Variants in ACAD10 observed in about 807,000 individuals in gnomAD.
ACAD10 encodes ACAD-10.
In ACAD10, 112 loss-of-function variants were observed where a neutral mutation model predicts 116.8. That is an observed-to-expected ratio of 0.96 (90% CI 0.82 to 1.12). The LOEUF (loss-of-function observed/expected upper bound fraction) is 1.12. Among genes scored for constraint, ACAD10 ranks in the 50% most tolerant of loss-of-function variants. The pLI, the probability that ACAD10 is intolerant of heterozygous loss-of-function variation, is 0.00. For synonymous variants in ACAD10, 486 were observed against 510.6 expected (o/e 0.95, Z 0.65); for missense variants, 1,259 against 1,350.2 (o/e 0.93, Z 1.06).
At chr12:111,736,790 A>G in intron 11 of ACAD10, 41 bp from the exon 12 acceptor site, 1 of 1,580,728 alleles carries the variant, frequency 6.3e-7, no homozygotes, top group Non-Finnish European at 8.6e-7. Flanking sequence ...GGGGCGTGTC[A>G]CGTCAGTGAC....
rs560344796 is a variant in ACAD10 at position 111,718,036 on chromosome 12, C to CTTTTTTTTTTTTTTTTTTTTTTTTTT, written c.992+2080_992+2105dup. Among the ~76,000 whole-genome samples the CTTTTTTTTTTTTTTTTTTTTTTTTTT allele has an allele frequency of 6.3e-5, 4 of 63,676 alleles. 1 individual carries two copies. Among genetic ancestry groups the CTTTTTTTTTTTTTTTTTTTTTTTTTT allele is most frequent in the African/African-American group, 2.5e-4 (3 of 12,206 alleles). The allele number at this position is 63,676 out of a possible 152,430, so 41.8% of individuals were successfully genotyped here. Reference sequence around the variant, plus strand: ...TATACGTAGGATCTATAGTGATATCCTTTTTTTTTTTTTTTTTTTTTTTTT... The same window carrying CTTTTTTTTTTTTTTTTTTTTTTTTTT: ...TATACGTAGGATCTATAGTGATATCCTTTTTTTTTTTTTTTTTTTTTTTTTTTTTTTTTTTTTTTTTTTTTTTTTTT... On this transcript the variant is annotated intron_variant, in intron 7 of 20. Coordinates refer to ENST00000313698, the MANE Select transcript of ACAD10 (RefSeq NM_025247.6).
chr12:111,726,713 T>G (rs530974054), intron 8 of ACAD10, among the ~76,000 whole-genome samples: 26 of 151,802 alleles, frequency 1.7e-4, no homozygotes, highest in Non-Finnish European at 3.8e-4. Flanking sequence ...TACAAAAAAT[T>G]AGCTGGTTGT....
intron 2 of ACAD10, among the ~76,000 whole-genome samples, chr12:111,701,014 C>T (rs1888334608): frequency 6.6e-6 from 1 of 152,044 alleles, no homozygotes; most frequent in Non-Finnish European, 1.5e-5. Flanking sequence ...CCATTTTGGC[C>T]TCCCAAAGTG....
In ACAD10 at chr12:111,723,309, C is replaced by T. The variant is rs551254214; in HGVS notation, c.1061+1570C>T. 1.2e-4 allele frequency among the ~76,000 whole-genome samples: 17 copies of T among 136,534 alleles called. No homozygotes were observed. In the South Asian group the frequency reaches 1.7e-3, roughly 13 times the overall value. The allele number at this position is 136,534 out of a possible 152,430, so 89.6% of individuals were successfully genotyped here. A position where few individuals can be genotyped will look rare whatever the true frequency, so the allele number is the denominator to read the frequency against. On this transcript the variant is annotated intron_variant, in intron 8 of 20. Coordinates refer to ENST00000313698, the MANE Select transcript of ACAD10 (RefSeq NM_025247.6). ...TCACCTCCCAGACGGGGCGGCTGGC[C>T]GGGCGGGGGGGCTGACCCCCCCACC... is the stretch of plus-strand genomic sequence containing the variant.
intron 7 of ACAD10, among the ~76,000 whole-genome samples, chr12:111,719,276 T>C (rs1403916430): frequency 6.6e-6 from 1 of 152,188 alleles, no homozygotes; most frequent in African/African-American, 2.4e-5. Context: ...TTTTTTGAGA[T>C]GGAGTCTTGG....
At chr12:111,696,527 T>G (rs1888194739) in intron 2 of ACAD10, among the ~76,000 whole-genome samples, 1 of 152,236 alleles carries the variant, frequency 6.6e-6, no homozygotes, top group Non-Finnish European at 1.5e-5. Flanking sequence ...GCCCATTTGT[T>G]TACATATTGT....
chr12:111,724,898 G>A (rs1484239072), intron 8 of ACAD10, among the ~76,000 whole-genome samples: 1 of 150,988 alleles, frequency 6.6e-6, no homozygotes, highest in Non-Finnish European at 1.5e-5. Flanking sequence ...AGAGGGAGAG[G>A]GAGACCGTGG....
intron 6 of ACAD10, among the ~76,000 whole-genome samples, chr12:111,714,837 C>T (rs188216336): frequency 0.014 from 2,129 of 151,892 alleles, 57 homozygotes; most frequent in African/African-American, 0.048. Context: ...CTCAGCCTCC[C>T]GAGTAGCTGG....
chr12:111,739,622 G>A (rs1378731371), intron 12 of ACAD10, among the ~76,000 whole-genome samples: 1 of 152,082 alleles, frequency 6.6e-6, no homozygotes, highest in Non-Finnish European at 1.5e-5. Context: ...GCCAGGCCTG[G>A]TGGCGGGCAC....
At chr12:111,741,441 C>A (rs1164758874) in intron 12 of ACAD10, among the ~76,000 whole-genome samples, 1 of 152,198 alleles carries the variant, frequency 6.6e-6, no homozygotes, top group Non-Finnish European at 1.5e-5. Context: ...TGAGTGTCCT[C>A]AGCCTGTCTC....
At chr12:111,748,646 GCAGGCGGATTTCAGA>G (rs1443021587) in intron 17 of ACAD10, 171 bp downstream of exon 17, 4 of 748,650 alleles carry the variant, frequency 5.3e-6, no homozygotes, top group African/African-American at 1.8e-5. Context: ...TATCAACCAT[GCAGGCGGATTTCAGA>G]CAGGCATTTA....
intron 14 of ACAD10, 50 bp downstream of exon 14, chr12:111,746,334 T>G (rs1305694534): frequency 6.3e-7 from 1 of 1,575,734 alleles, no homozygotes; most frequent in Non-Finnish European, 8.6e-7. Context: ...CTGATCTTCA[T>G]AAGAACTCAA....
chr12:111,705,233 T>C (rs778010225), intron 3 of ACAD10, among the ~76,000 whole-genome samples: 5 of 152,024 alleles, frequency 3.3e-5, no homozygotes, highest in Non-Finnish European at 5.9e-5. Flanking sequence ...AATTGTAATA[T>C]TGATATAAAT....
intron 18 of ACAD10, among the ~76,000 whole-genome samples, chr12:111,750,342 G>A (rs11066021): frequency 6.6e-6 from 1 of 151,278 alleles, no homozygotes; most frequent in Non-Finnish European, 1.5e-5. Context: ...GGATGGTCTC[G>A]ATCTCCTGAC....
At position 111,702,312 on chromosome 12, in the gene ACAD10, T is replaced by A; in HGVS notation, c.336+2T>A. ...TTTGGGAGACTTTGCTCTGAAATGGTGAGTGGTAAACATACCTACATTTCC... is the reference window on the plus strand; with the variant it reads ...TTTGGGAGACTTTGCTCTGAAATGGAGAGTGGTAAACATACCTACATTTCC... On this transcript the variant is annotated splice_donor_variant, in intron 3 of 20. Coordinates refer to ENST00000313698, the MANE Select transcript of ACAD10 (RefSeq NM_025247.6). LOFTEE classifies it high-confidence loss of function. 1 of 1,614,056 alleles carries A rather than the reference T, an allele frequency of 6.2e-7. No homozygotes were observed.
Position 111,746,263 on chromosome 12 carries a change from C to T in ACAD10, c.2235C>T (p.Gly745=), listed in dbSNP as rs140224864. Residue 745 remains glycine (G), a synonymous_variant, in exon 14 of 21, where the codon GGC becomes GGT. Coordinates refer to ENST00000313698, the MANE Select transcript of ACAD10 (RefSeq NM_025247.6). Reference sequence around the variant, plus strand: ...ATGCACATCTGTGTGAGCTCATGGGCACGTCCCTGTATGCCCCCGAGGTAC... The same window carrying T: ...ATGCACATCTGTGTGAGCTCATGGGTACGTCCCTGTATGCCCCCGAGGTAC... The part of the protein sequence containing the change: ...VEYAHLCELM[G]TSLYAPEVCN... The T allele has an allele frequency of 7.4e-6, 12 of 1,613,128 alleles. No homozygotes were observed. Among genetic ancestry groups the T allele is most frequent in the African/African-American group, 1.3e-5 (1 of 74,854 alleles).
chr12:111,747,991 T>TGA (rs1279902439), intron 16 of ACAD10, among the ~76,000 whole-genome samples: 1 of 152,098 alleles, frequency 6.6e-6, no homozygotes, highest in African/African-American at 2.4e-5. Context: ...CCAGAGCCGT[T>TGA]ATGTGTGCAC....
At chr12:111,701,537 C>T (rs607551) in intron 2 of ACAD10, among the ~76,000 whole-genome samples, 2,902 of 152,250 alleles carry the variant, frequency 0.019, 42 homozygotes, top group Middle Eastern at 0.044. Flanking sequence ...TGGTGGTGCA[C>T]GCCTATAATC....
At chr12:111,736,699 A>G (rs1327364777) in intron 11 of ACAD10, 132 bp from the exon 12 acceptor site, 1 of 843,970 alleles carries the variant, frequency 1.2e-6, no homozygotes, top group Non-Finnish European at 1.8e-6. Context: ...ATGCAGGAAT[A>G]AGCTAACCCA....
Sources: gnomAD v4.1 joint callset for allele counts (sites outside exome capture counted in the v4.1 genomes callset) on GRCh38, gnomAD v4.1.1 for gene constraint, MANE v1.5 for transcripts, NCBI Gene and HGNC (gene_info 2026-07-23, HGNC 2026-07-21) for gene names.